Variants in KCNIP4 observed in about 807,000 individuals in gnomAD.
KCNIP4 encodes Kv channel-interacting protein 4.
Under a neutral mutation model 34.0 loss-of-function variants are expected in KCNIP4, and 12 were observed. That is an observed-to-expected ratio of 0.35 (90% confidence interval 0.23 to 0.57). The LOEUF (loss-of-function observed/expected upper bound fraction) is 0.57. KCNIP4 is among the 20% of genes least tolerant of loss of function. The pLI is 0.83. For synonymous variants in KCNIP4, 124 were observed against 102.2 expected (o/e 1.21, Z -1.29); for missense variants, 238 against 311.7 (o/e 0.76, Z 1.78).
At chr4:21,093,951 G>A (rs528486641) in intron 1 of KCNIP4, among the ~76,000 whole-genome samples, 13 of 152,000 alleles carry the variant, frequency 8.6e-5, no homozygotes, top group Admixed American at 2.0e-4. Flanking sequence ...GCGTGGTGGC[G>A]GGCGCCTGTA....
At position 21,610,630 on chromosome 4, in the gene KCNIP4, AT is replaced by A. The variant is rs369021230; in HGVS notation, c.61+337940del. Reference sequence around the variant, plus strand: ...AAATTAAATATGTATATTAGAATACATAAAAACACCAATAAGAATACGAAGT... The same window carrying A: ...AAATTAAATATGTATATTAGAATACAAAAAACACCAATAAGAATACGAAGT... On this transcript the variant is annotated intron_variant, in intron 1 of 8. Coordinates refer to ENST00000382152, the MANE Select transcript of KCNIP4 (RefSeq NM_025221.6). Among the ~76,000 whole-genome samples the A allele has an allele frequency of 1.6e-4, 24 of 152,330 alleles. No individual in the cohort carries two copies. In the East Asian group the frequency reaches 3.5e-3, roughly 22 times the overall value.
chr4:21,831,449 A>T (rs1241506138), intron 1 of KCNIP4, among the ~76,000 whole-genome samples: 1 of 152,016 alleles, frequency 6.6e-6, no homozygotes, highest in Admixed American at 6.6e-5. Flanking sequence ...AAATAAAATC[A>T]GAAGTGACAG....
intron 1 of KCNIP4, among the ~76,000 whole-genome samples, chr4:21,601,266 C>G (rs368299332): frequency 5.9e-5 from 9 of 152,030 alleles, no homozygotes; most frequent in African/African-American, 2.2e-4. Flanking sequence ...TTTCACATTG[C>G]CAAAAGAATC....
intron 1 of KCNIP4, among the ~76,000 whole-genome samples, chr4:21,829,022 T>C (rs1722829181): frequency 1.3e-5 from 2 of 151,462 alleles, no homozygotes; most frequent in Non-Finnish European, 2.9e-5. Context: ...TGTATCCCAA[T>C]ATACCCATCA....
At chr4:21,543,526 C>G (rs1737877644) in intron 1 of KCNIP4, among the ~76,000 whole-genome samples, 1 of 151,938 alleles carries the variant, frequency 6.6e-6, no homozygotes, top group Non-Finnish European at 1.5e-5. Context: ...ACTTCAAAGC[C>G]AATTCAAAAA....
At chr4:21,510,036 C>T (rs1325971006) in intron 1 of KCNIP4, among the ~76,000 whole-genome samples, 1 of 143,828 alleles carries the variant, frequency 7.0e-6, no homozygotes, top group Non-Finnish European at 1.5e-5. Context: ...GAGATCGCAC[C>T]ATTGCACTCC....
At chr4:21,864,301 G>A (rs144816848) in intron 1 of KCNIP4, among the ~76,000 whole-genome samples, 1 of 152,218 alleles carries the variant, frequency 6.6e-6, no homozygotes, top group East Asian at 1.9e-4. Context: ...AACACAATAG[G>A]TAACATAGAT....
intron 1 of KCNIP4, among the ~76,000 whole-genome samples, chr4:21,086,382 C>A (rs1011126382): frequency 1.3e-5 from 2 of 152,110 alleles, no homozygotes; most frequent in Non-Finnish European, 2.9e-5. Flanking sequence ...ATGACAGCCA[C>A]GGTGCCATTT....
chr4:21,822,939 G>A (rs918409935), intron 1 of KCNIP4, among the ~76,000 whole-genome samples: 2 of 151,848 alleles, frequency 1.3e-5, no homozygotes, highest in African/African-American at 4.8e-5. Flanking sequence ...GGCTGGTCTC[G>A]AACTCCTGAG....
At chr4:21,057,693 T>A (rs1743543745) in intron 1 of KCNIP4, among the ~76,000 whole-genome samples, 1 of 152,204 alleles carries the variant, frequency 6.6e-6, no homozygotes, top group Non-Finnish European at 1.5e-5. Flanking sequence ...GTGGTCGTCT[T>A]TGAGGTGAGA....
chr4:20,963,029 A>G lies in KCNIP4; in HGVS notation c.62-80320T>C, dbSNP rs190828968. ...TGCACAAAATTGAAATGGGAGCATGATTTCCGAATAGGCCAGACATGGTGG... is the reference window on the plus strand; with the variant it reads ...TGCACAAAATTGAAATGGGAGCATGGTTTCCGAATAGGCCAGACATGGTGG... On this transcript the variant is annotated intron_variant, in intron 1 of 8. Coordinates refer to ENST00000382152, the MANE Select transcript of KCNIP4 (RefSeq NM_025221.6). Among the ~76,000 whole-genome samples the G allele has an allele frequency of 4.1e-3, 626 of 152,244 alleles. 4 individuals are homozygous for G. Among genetic ancestry groups the G allele is most frequent in the African/African-American group, 0.014 (586 of 41,534 alleles).
intron 1 of KCNIP4, among the ~76,000 whole-genome samples, chr4:20,960,416 G>A (rs1253948898): frequency 1.3e-5 from 2 of 152,204 alleles, no homozygotes. Context: ...AAAATCTGTC[G>A]TTTCTCATTT....
At chr4:20,795,049 C>T (rs1336158068) in intron 3 of KCNIP4, among the ~76,000 whole-genome samples, 2 of 152,010 alleles carry the variant, frequency 1.3e-5, no homozygotes, top group South Asian at 4.2e-4. Context: ...TGATTTTAAC[C>T]GGGTTGAACT....
chr4:21,571,951 A>G (rs1740397729), intron 1 of KCNIP4, among the ~76,000 whole-genome samples: 1 of 152,164 alleles, frequency 6.6e-6, no homozygotes, highest in Admixed American at 6.5e-5. Context: ...TCATTGAAGA[A>G]ACAGATTCTT....
intron 1 of KCNIP4, among the ~76,000 whole-genome samples, chr4:21,508,246 C>T (rs184372252): frequency 6.6e-6 from 1 of 152,294 alleles, no homozygotes; most frequent in Admixed American, 6.5e-5. Flanking sequence ...TCAAGGGAAT[C>T]ATTATTTAAA....
intron 1 of KCNIP4, among the ~76,000 whole-genome samples, chr4:21,256,514 G>T (rs1279525553): frequency 1.3e-5 from 2 of 151,852 alleles, no homozygotes; most frequent in Non-Finnish European, 2.9e-5. Context: ...TGGGAGGATT[G>T]CTGGAGTCCA....
intron 1 of KCNIP4, among the ~76,000 whole-genome samples, chr4:21,598,306 A>C (rs934802470): frequency 6.6e-6 from 1 of 152,138 alleles, no homozygotes; most frequent in African/African-American, 2.4e-5. Context: ...ACTGAAGAAT[A>C]GTTGAACTCT....
intron 1 of KCNIP4, among the ~76,000 whole-genome samples, chr4:21,212,627 A>T (rs1256050041): frequency 6.6e-6 from 1 of 152,184 alleles, no homozygotes; most frequent in Non-Finnish European, 1.5e-5. Context: ...AGATGAAGGC[A>T]CTGGCAGATA....
chr4:21,032,647 G>A (rs1485489488), intron 1 of KCNIP4, among the ~76,000 whole-genome samples: 2 of 152,118 alleles, frequency 1.3e-5, no homozygotes, highest in Non-Finnish European at 2.9e-5. Context: ...TTTGTGAACT[G>A]AGAATGCGTA....
Sources: allele counts gnomAD v4.1 joint callset (sites outside exome capture counted in the v4.1 genomes callset), GRCh38; gene constraint gnomAD v4.1.1; transcripts MANE v1.5; gene names NCBI Gene and HGNC (gene_info 2026-07-23, HGNC 2026-07-21).